The following CEP295NL variants were observed in gnomAD, a reference collection of about 807,000 sequenced individuals.
The protein encoded by CEP295NL is protein DDC8 homolog.
In CEP295NL, 3 loss-of-function variants were observed where a neutral mutation model predicts 4.6. The observed-to-expected ratio is 0.65, with a 90% CI of 0.30 to 1.69. The LOEUF is 1.69. CEP295NL is among the 40% of genes most tolerant of loss of function. The probability of loss-of-function intolerance (pLI) is 0.10; values close to 1 mark genes in which losing one functional copy is unlikely to be tolerated. For missense variants in CEP295NL, 719 were observed against 769.0 expected, an observed-to-expected ratio of 0.93 and a Z score of 0.77; for synonymous variants, 295 against 312.2, an observed-to-expected ratio of 0.94 and a Z score of 0.58.
At chr17:78,897,502 G>A (rs1042535725) in intron 2 of CEP295NL, 5 of 152,250 alleles carry the variant, frequency 3.3e-5, no homozygotes, top group African/African-American at 9.7e-5. Flanking sequence ...TTGTGACGAG[G>A]CTGCTGGAGC....
Position 78,890,982 on chromosome 17 carries a change from C to A in CEP295NL, c.1522G>T (p.Glu508Ter). 6.4e-7 allele frequency: 1 copy of A among 1,551,254 alleles called. No homozygotes were observed. The highest frequency in any genetic ancestry group is 1.2e-5 in the South Asian group (1 of 84,060). The change falls in exon 3 of 3, where the codon GAG (glutamate) becomes TAG (stop). Residue 508 changes from glutamate (E) to a stop codon, truncating the protein, a stop_gained. Coordinates refer to ENST00000322630, the MANE Select transcript of CEP295NL (RefSeq NM_001243540.2). LOFTEE classifies it low-confidence loss of function (END_TRUNC). Reference sequence around the variant, plus strand: ...TGTTTTTGTCTTCTCTGCTCCATCTCTGCTTTCTGCCTTTGCCTGGATGCC... The same window carrying A: ...TGTTTTTGTCTTCTCTGCTCCATCTATGCTTTCTGCCTTTGCCTGGATGCC... ...STASRQRQKA[E>*]MEQRRQKQLE...
Position 78,890,651 on chromosome 17 carries a change from TG to T in CEP295NL, c.1852del (p.Gln618ArgfsTer?). ...EEARKCLREF[Q>X]NIC Reference sequence around the variant, plus strand: ...GGCCTCTCGCATTTAGCATATGTTCTGAAACTCCCGCAAGCATTTCCGGGCT... The same window carrying T: ...GGCCTCTCGCATTTAGCATATGTTCTAAACTCCCGCAAGCATTTCCGGGCT... On this transcript the variant is annotated frameshift_variant, in exon 3 of 3. Coordinates refer to ENST00000322630, the MANE Select transcript of CEP295NL (RefSeq NM_001243540.2). LOFTEE classifies it high-confidence loss of function. The T allele has an allele frequency of 1.3e-6, 2 of 1,550,236 alleles. No homozygotes were observed. Among genetic ancestry groups the T allele is most frequent in the Non-Finnish European group, 1.7e-6 (2 of 1,146,664 alleles).
Position 78,901,773 on chromosome 17 carries a change from G to A in CEP295NL, c.44+12C>T. The A allele has an allele frequency of 2.8e-6, 2 of 717,254 alleles. No individual in the cohort carries two copies. Among genetic ancestry groups the A allele is most frequent in the Non-Finnish European group, 2.6e-6 (1 of 385,064 alleles). 44.4% of individuals were successfully genotyped at this position (717,254 alleles called of 1,614,324 possible). A position where few individuals can be genotyped will look rare whatever the true frequency, so the allele number is the denominator to read the frequency against. ...GCACCTGAAATGCTTGGGGAAGAGG[G>A]GTGGTACTTACTGTGTGTGTCTCCA... On this transcript the variant is annotated intron_variant, in intron 2 of 2. Coordinates refer to ENST00000322630, the MANE Select transcript of CEP295NL (RefSeq NM_001243540.2).
chr17:78,890,611 T>A lies in CEP295NL; in HGVS notation c.*27A>T. On this transcript the variant is annotated 3_prime_UTR_variant, in exon 3 of 3. Transcript: ENST00000322630. ...GCTGGCAGCACCATTATCAGTGATG[T>A]ATTTACCCCGGGTGGGCCTCTCGCA... The A allele has an allele frequency of 1.9e-6, 3 of 1,541,476 alleles. No homozygotes were observed. The highest frequency in any genetic ancestry group is 2.6e-6 in the Non-Finnish European group (3 of 1,141,122).
rs61521508 is a variant in CEP295NL, at chr17:78,893,856, A to G, written c.45-1397T>C. 2.1e-3 allele frequency among the ~76,000 whole-genome samples: 316 copies of G among 152,266 alleles called. 6 individuals carry two copies. The East Asian group carries it at 0.051, about 25-fold the overall frequency. On this transcript the variant is annotated intron_variant, in intron 2 of 2. Coordinates refer to ENST00000322630, the MANE Select transcript of CEP295NL (RefSeq NM_001243540.2). ...CAGGCCTTCCTAGGAAAGGAGGGGC[A>G]TTTACACCAAAACAGTACGGGATTG...
rs1467023977 is a variant in CEP295NL at position 78,891,775 on chromosome 17, C to T, written c.729G>A (p.Arg243=). The part of the protein sequence containing the change: ...SGGGRCAIHP[R]RSKGADLERS... ...TTTCTAGGTCCGCCCCTTTGCTCCT[C>T]CGAGGATGGATGGCACAGCGGCCAC... Residue 243 remains arginine (R), a synonymous_variant, in exon 3 of 3, where the codon CGG becomes CGA. Coordinates refer to ENST00000322630, the MANE Select transcript of CEP295NL (RefSeq NM_001243540.2). The surrounding 1 kb of genome is among the most constrained non-coding windows in gnomAD (Gnocchi z 4.5). 7.7e-6 allele frequency: 12 copies of T among 1,551,078 alleles called. No individual in the cohort carries two copies. The South Asian group carries it at 1.1e-4, about 14-fold the overall frequency.
chr17:78,894,789 C>T (rs540551094), intron 2 of CEP295NL, among the ~76,000 whole-genome samples: 81 of 151,630 alleles, frequency 5.3e-4, no homozygotes, highest in South Asian at 8.4e-4. Flanking sequence ...AACAAAGAAA[C>T]GGATAAGCTG....
Position 78,891,947 on chromosome 17 carries a change from T to C in CEP295NL, c.557A>G (p.Gln186Arg). 2 of 1,550,608 alleles carry C rather than the reference T, an allele frequency of 1.3e-6. No individual in the cohort carries two copies. The highest frequency in any genetic ancestry group is 1.7e-6 in the Non-Finnish European group (2 of 1,147,004). ...EERSCREELG[Q>R]QHPRHSRPRK... is the part of the protein sequence containing the mutation. Reference sequence around the variant, plus strand: ...GGGCCTGGAGTGCCTGGGGTGTTGCTGGCCCAACTCTTCCCTGCAACTCCT... The same window carrying C: ...GGGCCTGGAGTGCCTGGGGTGTTGCCGGCCCAACTCTTCCCTGCAACTCCT... Residue 186 changes from glutamine (Q) to arginine (R), a missense_variant, in exon 3 of 3, where the codon CAG becomes CGG. Coordinates refer to ENST00000322630, the MANE Select transcript of CEP295NL (RefSeq NM_001243540.2). The surrounding 1 kb of genome is among the most constrained non-coding windows in gnomAD (Gnocchi z 4.5).
rs1177796129 is a variant in CEP295NL, at chr17:78,891,707, A to C, written c.797T>G (p.Val266Gly). The C allele has an allele frequency of 1.2e-5, 19 of 1,550,566 alleles. No homozygotes were observed. The highest frequency in any genetic ancestry group is 3.3e-4 in the Middle Eastern group (2 of 5,998). Residue 266 changes from valine (V) to glycine (G), a missense_variant, in exon 3 of 3, where the codon GTG (valine) becomes GGG (glycine). Transcript: ENST00000322630. The surrounding 1 kb of genome is among the most constrained non-coding windows in gnomAD (Gnocchi z 4.5). ...LVAAVGEIGL[V>G]EEKEKGTARA... ...AGCTGTTCCTTTCTCTTTTTCCTCC[A>C]CAAGCCCGATTTCTCCCACAGCAGC... is the stretch of plus-strand genomic sequence containing the variant.
Position 78,890,908 on chromosome 17 carries a change from G to A in CEP295NL, c.1596C>T (p.Ile532=), listed in dbSNP as rs2069880843. 6.4e-7 allele frequency: 1 copy of A among 1,550,626 alleles called. No homozygotes were observed. The highest frequency in any genetic ancestry group is 8.7e-7 in the Non-Finnish European group (1 of 1,147,058). The change falls in exon 3 of 3, where the codon ATC becomes ATT. Residue 532 remains isoleucine, a synonymous_variant. Coordinates refer to ENST00000322630, the MANE Select transcript of CEP295NL (RefSeq NM_001243540.2). ...CTTTTTCTAGCTCAGCTTTGTAGTG[G>A]ATTTCCAAGCTCATATCTGGGTGTT... The part of the protein sequence containing the change: ...QMEHPDMSLE[I]HYKAELEKER...
Position 78,891,805 on chromosome 17 carries a change from A to G in CEP295NL, c.699T>C (p.Ser233=). 1 of 1,550,962 alleles carries G rather than the reference A, an allele frequency of 6.4e-7. No homozygotes were observed. The highest frequency in any genetic ancestry group is 8.7e-7 in the Non-Finnish European group (1 of 1,147,076). Residue 233 remains serine, a synonymous_variant, in exon 3 of 3, where the codon TCT becomes TCC. Coordinates refer to ENST00000322630, the MANE Select transcript of CEP295NL (RefSeq NM_001243540.2). This position sits in a 1 kb window ranked among gnomAD's most constrained non-coding sequence, Gnocchi z 4.5. ...GATGGATGGCACAGCGGCCACCCCC[A>G]GACTTGGTCGAAGGTTCTGGCCTTC... ...RKGRPEPSTK[S]GGGRCAIHPR...
intron 2 of CEP295NL, among the ~76,000 whole-genome samples, chr17:78,893,443 G>GCA (rs1568001263): frequency 2.8e-5 from 4 of 140,724 alleles, no homozygotes; most frequent in African/African-American, 1.1e-4. Flanking sequence ...GTGTGTGCGT[G>GCA]GGGCTGTGTG....
chr17:78,892,050 A>C lies in CEP295NL; in HGVS notation c.454T>G (p.Ser152Ala). ...GGRARENEPD[S>A]QGPIQRRSAR... ...GATCTTCGCTGGATGGGCCCCTGCGAGTCAGGCTCATTTTCCCTGGCCCGT... is the reference window on the plus strand; with the variant it reads ...GATCTTCGCTGGATGGGCCCCTGCGCGTCAGGCTCATTTTCCCTGGCCCGT... The change falls in exon 3 of 3, where the codon TCG becomes GCG. Residue 152 changes from serine (S) to alanine (A), a missense_variant. Coordinates refer to ENST00000322630, the MANE Select transcript of CEP295NL (RefSeq NM_001243540.2). The C allele has an allele frequency of 6.4e-7, 1 of 1,551,120 alleles. No homozygotes were observed. The highest frequency in any genetic ancestry group is 8.7e-7 in the Non-Finnish European group (1 of 1,147,304).
intron 2 of CEP295NL, chr17:78,898,136 T>G (rs1482158110): frequency 1.3e-5 from 2 of 152,268 alleles, no homozygotes; most frequent in Non-Finnish European, 2.9e-5. Context: ...GACATCACAC[T>G]GATCAGCACG....
At chr17:78,900,544 C>CA (rs35575848) in intron 2 of CEP295NL, among the ~76,000 whole-genome samples, 57,485 of 144,820 alleles carry the variant, frequency 0.4, 11,532 homozygotes, top group African/African-American at 0.5. Flanking sequence ...GACTCCATTT[C>CA]AAAAAAAAAA....
chr17:78,891,940 G>A lies in CEP295NL; in HGVS notation c.564C>T (p.His188=), dbSNP rs762308761. ...TCTTCCGGGGCCTGGAGTGCCTGGG[G>A]TGTTGCTGGCCCAACTCTTCCCTGC... ...RSCREELGQQ[H]PRHSRPRKTA... is the part of the protein sequence containing the mutation. Residue 188 remains histidine, a synonymous_variant, in exon 3 of 3, where the codon CAC becomes CAT. Coordinates refer to ENST00000322630, the MANE Select transcript of CEP295NL (RefSeq NM_001243540.2). This position sits in a 1 kb window ranked among gnomAD's most constrained non-coding sequence, Gnocchi z 4.5. 44 of 1,550,466 alleles carry A rather than the reference G, an allele frequency of 2.8e-5. No individual in the cohort carries two copies. Among genetic ancestry groups the A allele is most frequent in the Non-Finnish European group, 3.7e-5 (43 of 1,147,020 alleles).
At chr17:78,893,622 T>C (rs954550273) in intron 2 of CEP295NL, among the ~76,000 whole-genome samples, 4 of 151,844 alleles carry the variant, frequency 2.6e-5, no homozygotes, top group Non-Finnish European at 4.4e-5. Flanking sequence ...TCTGTGTGCA[T>C]GTCGGTGTGT....
In CEP295NL at chr17:78,895,316, AT is replaced by A. The variant is rs2069981661; in HGVS notation, c.45-2858del. ...AAATAAAAATAAAAATCAGCAACAG[AT>A]TTAAATAGATATTTCACCAAAGAAC... On this transcript the variant is annotated intron_variant, in intron 2 of 2. Transcript: ENST00000322630. Among the ~76,000 whole-genome samples the A allele has an allele frequency of 3.3e-5, 5 of 152,206 alleles. 1 individual carries two copies. In the South Asian group the frequency reaches 1.0e-3, roughly 32 times the overall value.
Position 78,902,199 on chromosome 17 carries a change from C to T in CEP295NL, c.-98-273G>A, listed in dbSNP as rs534795251. Reference sequence around the variant, plus strand: ...TCAGCTTACTGCAACCTCCACCTTCCGGGTTCAAGCAATTCTCCTGTCTCA... The same window carrying T: ...TCAGCTTACTGCAACCTCCACCTTCTGGGTTCAAGCAATTCTCCTGTCTCA... On this transcript the variant is annotated intron_variant, in intron 1 of 2. Coordinates refer to ENST00000322630, the MANE Select transcript of CEP295NL (RefSeq NM_001243540.2). Among the ~76,000 whole-genome samples, 5 of 152,312 alleles carry T rather than the reference C, an allele frequency of 3.3e-5. No individual in the cohort carries two copies. In the South Asian group the frequency reaches 8.3e-4, roughly 25 times the overall value.
Sources: gnomAD v4.1 joint callset for allele counts (sites outside exome capture counted in the v4.1 genomes callset) on GRCh38, gnomAD v4.1.1 for gene constraint, Gnocchi (gnomAD v3.1) non-coding constraint, MANE v1.5 for transcripts, NCBI Gene and HGNC (gene_info 2026-07-23, HGNC 2026-07-21) for gene names.